The following MCC variants were observed in gnomAD, a reference collection of about 807,000 sequenced individuals.
MCC encodes MCC regulator of Wnt signaling pathway, also known as colorectal mutant cancer protein.
MCC carries 90 observed loss-of-function variants against 116.2 expected under a neutral mutation model. The ratio of observed to expected loss-of-function variants is 0.77; its 90% CI spans 0.65 to 0.92. The LOEUF (loss-of-function observed/expected upper bound fraction) is 0.92. Ranked by LOEUF, MCC falls within the 40% of genes least tolerant of loss-of-function variation. The pLI is 0.00. For missense variants in MCC, 1,516 were observed against 1,312.2 expected (o/e 1.16, Z -2.40); for synonymous variants, 578 against 510.5 (o/e 1.13, Z -1.78).
intron 4 of MCC, among the ~76,000 whole-genome samples, chr5:113,150,279 C>A (rs1221069403): frequency 6.6e-6 from 1 of 152,094 alleles, no homozygotes; most frequent in East Asian, 1.9e-4. Context: ...TAAACCCTGC[C>A]TCCTGAAAGT....
At chr5:113,180,233 T>C (rs1404446864) in intron 3 of MCC, among the ~76,000 whole-genome samples, 2 of 152,200 alleles carry the variant, frequency 1.3e-5, no homozygotes, top group Non-Finnish European at 2.9e-5. Flanking sequence ...TCCCTTTGTT[T>C]TATTGCTATT....
At chr5:113,442,858 A>G (rs531925025) in intron 1 of MCC, among the ~76,000 whole-genome samples, 56 of 152,274 alleles carry the variant, frequency 3.7e-4, no homozygotes, top group Non-Finnish European at 2.8e-4. Flanking sequence ...ATTGGTCTAT[A>G]TAGCTGTTTT....
At chr5:113,193,253 G>A (rs1350684766) in intron 3 of MCC, among the ~76,000 whole-genome samples, 2 of 151,628 alleles carry the variant, frequency 1.3e-5, no homozygotes, top group Non-Finnish European at 2.9e-5. Context: ...GGATAATACA[G>A]GATAACAGCC....
chr5:113,089,196 G>C (rs555359383), intron 8 of MCC, among the ~76,000 whole-genome samples: 56 of 152,280 alleles, frequency 3.7e-4, no homozygotes, highest in African/African-American at 1.3e-3. Flanking sequence ...TCTGAAAGAG[G>C]GGTATCAACA....
intron 5 of MCC, among the ~76,000 whole-genome samples, chr5:113,133,889 G>A (rs973526855): frequency 4.6e-5 from 7 of 152,062 alleles, no homozygotes; most frequent in South Asian, 4.1e-4. Flanking sequence ...CCATTTGTAC[G>A]TCTTCTTTTG....
intron 16 of MCC, among the ~76,000 whole-genome samples, chr5:113,044,838 T>C (rs957791650): frequency 1.3e-5 from 2 of 152,206 alleles, no homozygotes; most frequent in East Asian, 1.9e-4. Flanking sequence ...CCTCCCAAAG[T>C]GCTGGGATCA....
intron 3 of MCC, among the ~76,000 whole-genome samples, chr5:113,329,433 C>CACAT (rs1240780234): frequency 2.7e-5 from 4 of 147,906 alleles, no homozygotes; most frequent in African/African-American, 5.3e-5. Context: ...CATATATACA[C>CACAT]ACATACATAT....
chr5:113,333,780 CATATATATTT>C (rs1467912762), intron 3 of MCC, among the ~76,000 whole-genome samples: 1 of 23,430 alleles, frequency 4.3e-5, no homozygotes, highest in East Asian at 1.6e-3. Flanking sequence ...GTCTTTGCTT[CATATATATTT>C]ATATATATAT....
intron 3 of MCC, among the ~76,000 whole-genome samples, chr5:113,265,498 T>C (rs554326272): frequency 6.6e-6 from 1 of 152,280 alleles, no homozygotes; most frequent in East Asian, 1.9e-4. Context: ...TTCTAATAGG[T>C]CTTCACAGCA....
At position 113,343,214 on chromosome 5, in the gene MCC, G is replaced by A. The variant is rs1259943675; in HGVS notation, c.416-2484C>T. ...TGTCTTCAGATGGTTTCCCCTTACT[G>A]TTCTGGCTCTACTGATCCTCTCCAG... On this transcript the variant is annotated intron_variant, in intron 2 of 18. Coordinates refer to ENST00000408903, the MANE Select transcript of MCC (RefSeq NM_001085377.2). 2.0e-5 allele frequency among the ~76,000 whole-genome samples: 3 copies of A among 152,124 alleles called. No homozygotes were observed. In the East Asian group the frequency reaches 5.8e-4, roughly 29 times the overall value.
At chr5:113,038,106 G>A (rs542796746) in intron 17 of MCC, among the ~76,000 whole-genome samples, 4 of 152,324 alleles carry the variant, frequency 2.6e-5, no homozygotes, top group African/African-American at 9.6e-5. Flanking sequence ...ATGACCTGCT[G>A]ACGAGAGGTA....
chr5:113,202,071 C>G (rs1297398291), intron 3 of MCC, among the ~76,000 whole-genome samples: 1 of 152,186 alleles, frequency 6.6e-6, no homozygotes, highest in Non-Finnish European at 1.5e-5. Context: ...TTTCCTCCTT[C>G]CCTGAACCTG....
intron 3 of MCC, among the ~76,000 whole-genome samples, chr5:113,172,985 C>T (rs1581199708): frequency 6.6e-6 from 1 of 151,922 alleles, no homozygotes; most frequent in African/African-American, 2.4e-5. Flanking sequence ...TTTTAATTGC[C>T]TGTTTATGTT....
intron 3 of MCC, among the ~76,000 whole-genome samples, chr5:113,219,111 A>T (rs1311024057): frequency 6.6e-6 from 1 of 152,248 alleles, no homozygotes; most frequent in Non-Finnish European, 1.5e-5. Context: ...ACAAACAATA[A>T]AATATTGGCT....
chr5:113,359,883 A>G (rs772079007), intron 2 of MCC, among the ~76,000 whole-genome samples: 7 of 152,054 alleles, frequency 4.6e-5, no homozygotes, highest in Non-Finnish European at 2.9e-5. Context: ...TGAGTTTAAG[A>G]TTTTTTTCTT....
At chr5:113,125,574 G>A (rs536519588) in intron 5 of MCC, among the ~76,000 whole-genome samples, 2 of 152,116 alleles carry the variant, frequency 1.3e-5, no homozygotes, top group African/African-American at 4.8e-5. Context: ...ACCTGGGACC[G>A]GGAAATGACA....
chr5:113,150,477 T>C (rs1759787249), intron 4 of MCC, among the ~76,000 whole-genome samples: 1 of 151,314 alleles, frequency 6.6e-6, no homozygotes, highest in Non-Finnish European at 1.5e-5. Flanking sequence ...CAAAATAAAC[T>C]AAAAGACATG....
intron 3 of MCC, among the ~76,000 whole-genome samples, chr5:113,239,979 T>A (rs906332608): frequency 8.5e-5 from 13 of 152,248 alleles, no homozygotes; most frequent in Non-Finnish European, 5.9e-5. Context: ...TCATTCATTA[T>A]ATGATTTGTA....
At chr5:113,221,368 G>A (rs566862396) in intron 3 of MCC, among the ~76,000 whole-genome samples, 3 of 152,258 alleles carry the variant, frequency 2.0e-5, no homozygotes, top group East Asian at 3.9e-4. Flanking sequence ...CCATTCCTGG[G>A]CACAGGACAA....
Sources: gnomAD v4.1 joint callset for allele counts (sites outside exome capture counted in the v4.1 genomes callset) on GRCh38, gnomAD v4.1.1 for gene constraint, MANE v1.5 for transcripts, NCBI Gene and HGNC (gene_info 2026-07-23, HGNC 2026-07-21) for gene names.